The following CAB39L variants were observed in gnomAD, a reference collection of about 807,000 sequenced individuals.
The protein encoded by CAB39L is calcium-binding protein 39-like.
Under a neutral mutation model 39.1 loss-of-function variants are expected in CAB39L, and 23 were observed. The ratio of observed to expected loss-of-function variants is 0.59; its 90% CI spans 0.42 to 0.83. The LOEUF (loss-of-function observed/expected upper bound fraction) is 0.83, where lower values mean the gene tolerates loss of function less well. Among genes scored for constraint, CAB39L ranks in the 40% least tolerant of loss-of-function variants. The pLI, the probability that CAB39L is intolerant of heterozygous loss-of-function variation, is 0.00. For missense variants in CAB39L, 366 were observed against 391.9 expected (o/e 0.93, Z 0.56); for synonymous variants, 126 against 137.2 (o/e 0.92, Z 0.57).
intron 3 of CAB39L, among the ~76,000 whole-genome samples, chr13:49,391,106 A>C (rs1195784518): frequency 6.6e-6 from 1 of 152,226 alleles, no homozygotes; most frequent in Non-Finnish European, 1.5e-5. Context: ...AAACTTCCAT[A>C]AAGGGGAAAA....
chr13:49,346,120 T>TATATATA (rs10663110), intron 7 of CAB39L, among the ~76,000 whole-genome samples: 3 of 88,478 alleles, frequency 3.4e-5, no homozygotes, highest in South Asian at 3.7e-4. Flanking sequence ...TATATATATA[T>TATATATA]ATATCATGGA....
chr13:49,412,168 T>C (rs1450883598), intron 3 of CAB39L, among the ~76,000 whole-genome samples: 1 of 152,174 alleles, frequency 6.6e-6, no homozygotes, highest in African/African-American at 2.4e-5. Context: ...TCTCTATATA[T>C]AGACATACAG....
chr13:49,437,374 C>T (rs767397572), intron 1 of CAB39L, among the ~76,000 whole-genome samples: 5 of 152,116 alleles, frequency 3.3e-5, no homozygotes, highest in Non-Finnish European at 7.4e-5. Context: ...CTCTCTATCA[C>T]CAAGCCTCCA....
At chr13:49,333,064 C>T (rs1593926996) in intron 9 of CAB39L, among the ~76,000 whole-genome samples, 1 of 151,988 alleles carries the variant, frequency 6.6e-6, no homozygotes, top group African/African-American at 2.4e-5. Context: ...CATCTGGCTG[C>T]CAGTAAACCA....
intron 9 of CAB39L, among the ~76,000 whole-genome samples, chr13:49,337,732 G>A (rs542542672): frequency 2.1e-5 from 3 of 144,304 alleles, no homozygotes; most frequent in African/African-American, 7.7e-5. Flanking sequence ...CTGCTCTGGC[G>A]CACACACACA....
At chr13:49,419,699 C>G (rs1338162765) in intron 3 of CAB39L, among the ~76,000 whole-genome samples, 1 of 152,110 alleles carries the variant, frequency 6.6e-6, no homozygotes, top group Non-Finnish European at 1.5e-5. Context: ...AACAAAAACC[C>G]CAAACTTTAT....
intron 3 of CAB39L, among the ~76,000 whole-genome samples, chr13:49,410,631 A>ATT (rs1202898106): frequency 6.6e-6 from 1 of 152,244 alleles, no homozygotes; most frequent in Non-Finnish European, 1.5e-5. Context: ...AGTTATAAAT[A>ATT]ACTTGGTTTA....
rs572151542 is a variant in CAB39L at position 49,327,326 on chromosome 13, CAG to C, written c.834+4619_834+4620del. On this transcript the variant is annotated intron_variant, in intron 10 of 10. Transcript: ENST00000409308. ...TGCAATTTTGTTTGTTTTTTTGAGA[CAG>C]AGTCTCGCTCAGTCACCCAGGCTGG... Among the ~76,000 whole-genome samples the C allele has an allele frequency of 3.3e-3, 500 of 152,228 alleles. 10 individuals carry two copies. The highest frequency in any genetic ancestry group is 5.9e-4 in the Non-Finnish European group (40 of 68,030).
chr13:49,362,569 T>TA lies in CAB39L; in HGVS notation c.277-2738dup, dbSNP rs138359562. Among the ~76,000 whole-genome samples, 38 of 150,822 alleles carry TA rather than the reference T, an allele frequency of 2.5e-4. No individual in the cohort carries two copies. The East Asian group carries it at 6.6e-3, about 26-fold the overall frequency. On this transcript the variant is annotated intron_variant, in intron 5 of 10. Transcript: ENST00000409308. ...TTAGAGGAGACAAAAGAAAAAAGAATAAAAAACAATGAAGAATGCCTACGA... is the reference window on the plus strand; with the variant it reads ...TTAGAGGAGACAAAAGAAAAAAGAATAAAAAAACAATGAAGAATGCCTACGA...
intron 9 of CAB39L, among the ~76,000 whole-genome samples, chr13:49,337,811 C>T (rs1954889401): frequency 6.6e-6 from 1 of 151,666 alleles, no homozygotes; most frequent in South Asian, 2.1e-4. Flanking sequence ...TGTCTCCTTT[C>T]CCTACTCTTC....
At chr13:49,411,623 C>G (rs11618847) in intron 3 of CAB39L, among the ~76,000 whole-genome samples, 1 of 151,848 alleles carries the variant, frequency 6.6e-6, no homozygotes, top group Non-Finnish European at 1.5e-5. Context: ...TATAGTAGAT[C>G]TTGGATTTCT....
rs1555254610 is a variant in CAB39L at position 49,346,100 on chromosome 13, G to GAGATATATATATATATATATATATAT, written c.565-1863_565-1862insATATATATATATATATATATATATCT. On this transcript the variant is annotated intron_variant, in intron 7 of 10. Coordinates refer to ENST00000409308, the MANE Select transcript of CAB39L (RefSeq NM_001079670.3). ...GATATATATATATATATATATGCTA[G>GAGATATATATATATATATATATATAT]ATATATATATATATATATATATATC... Among the ~76,000 whole-genome samples the GAGATATATATATATATATATATATAT allele has an allele frequency of 7.4e-3, 228 of 30,874 alleles. 21 individuals are homozygous for GAGATATATATATATATATATATATAT. Among genetic ancestry groups the GAGATATATATATATATATATATATAT allele is most frequent in the Non-Finnish European group, 0.01 (181 of 17,550 alleles). 20.3% of individuals were successfully genotyped at this position (30,874 alleles called of 152,430 possible). A position where few individuals can be genotyped will look rare whatever the true frequency, so the allele number is the denominator to read the frequency against.
chr13:49,433,313 C>A lies in CAB39L; in HGVS notation c.-32+5G>T. 2.2e-6 allele frequency: 1 copy of A among 447,574 alleles called. No homozygotes were observed. The highest frequency in any genetic ancestry group is 4.5e-6 in the Non-Finnish European group (1 of 224,434). 27.7% of individuals were successfully genotyped at this position (447,574 alleles called of 1,614,324 possible). A position where few individuals can be genotyped will look rare whatever the true frequency, so the allele number is the denominator to read the frequency against. ...AATCTTGATTGAGTCATCATACTAG[C>A]TTACCTTAGAAGTTGTATATCATTT... On this transcript the variant is annotated splice_donor_5th_base_variant and intron_variant, in intron 3 of 10. Transcript: ENST00000409308.
intron 3 of CAB39L, among the ~76,000 whole-genome samples, chr13:49,393,361 T>C (rs1029984045): frequency 6.6e-6 from 1 of 152,004 alleles, no homozygotes; most frequent in African/African-American, 2.4e-5. Flanking sequence ...AACCTTAATT[T>C]CGAAAATAGG....
intron 10 of CAB39L, among the ~76,000 whole-genome samples, chr13:49,314,194 C>T (rs1376595684): frequency 1.3e-5 from 2 of 152,068 alleles, no homozygotes; most frequent in Non-Finnish European, 2.9e-5. Flanking sequence ...AGTAAGGGAA[C>T]GTGGGAGCTA....
intron 5 of CAB39L, among the ~76,000 whole-genome samples, chr13:49,363,946 G>A (rs1955701600): frequency 6.6e-6 from 1 of 151,538 alleles, no homozygotes; most frequent in Non-Finnish European, 1.5e-5. Flanking sequence ...GATACACATG[G>A]ACTGAAAATA....
intron 5 of CAB39L, among the ~76,000 whole-genome samples, chr13:49,369,627 A>G (rs903941034): frequency 8.6e-5 from 13 of 151,064 alleles, no homozygotes; most frequent in African/African-American, 3.2e-4. Context: ...TTGCTCTGTC[A>G]CCCAGGCTGA....
chr13:49,376,875 A>C, intron 5 of CAB39L, 92 bp downstream of exon 5: 1 of 877,644 alleles, frequency 1.1e-6, no homozygotes, highest in East Asian at 2.5e-5. Context: ...CCATAATGAA[A>C]AGCAAAAGTT....
chr13:49,394,270 A>G, intron 3 of CAB39L, among the ~76,000 whole-genome samples: 1 of 152,066 alleles, frequency 6.6e-6, no homozygotes, highest in East Asian at 1.9e-4. Context: ...GAGGAATTAC[A>G]GTTAATGAAC....
Sources: gnomAD v4.1 joint callset for allele counts (sites outside exome capture counted in the v4.1 genomes callset) on GRCh38, gnomAD v4.1.1 for gene constraint, MANE v1.5 for transcripts, NCBI Gene and HGNC (gene_info 2026-07-23, HGNC 2026-07-21) for gene names.